Variants in TDRD7 observed in about 807,000 individuals in gnomAD.
The protein encoded by TDRD7 is tudor domain-containing protein 7.
In TDRD7, 47 loss-of-function variants were observed where a neutral mutation model predicts 109.8. The ratio of observed to expected loss-of-function variants is 0.43; its 90% CI spans 0.34 to 0.55. The LOEUF (loss-of-function observed/expected upper bound fraction) is 0.55. Among genes scored for constraint, TDRD7 ranks in the 20% least tolerant of loss-of-function variants. The probability of loss-of-function intolerance (pLI) is 0.03; values close to 1 mark genes in which losing one functional copy is unlikely to be tolerated. For missense variants in TDRD7, 1,164 were observed against 1,319.2 expected (o/e 0.88, Z 1.82); for synonymous variants, 424 against 457.3 (o/e 0.93, Z 0.93).
At chr9:97,472,241 T>G in intron 9 of TDRD7, 52 bp from the exon 10 acceptor site, 1 of 1,509,796 alleles carries the variant, frequency 6.6e-7, no homozygotes, top group Non-Finnish European at 9.2e-7. Flanking sequence ...TCTATTCATC[T>G]TGAAATGATT....
chr9:97,415,602 G>A (rs1046249086), intron 1 of TDRD7, among the ~76,000 whole-genome samples: 4 of 152,092 alleles, frequency 2.6e-5, no homozygotes, highest in African/African-American at 9.7e-5. Flanking sequence ...CATTATTAGT[G>A]TCTTGGATAA....
rs916355748 is a variant in TDRD7, at chr9:97,460,331, A to G, written c.1009A>G (p.Met337Val). The stretch of plus-strand genomic sequence containing the variant: ...ACCGTTGAAAGGGTGTCCAACAGTT[A>G]TGGCAGGAGACTTTAAAGAAAAAGT... ...TPPLKGCPTV[M>V]AGDFKEKVAD... Residue 337 changes from methionine to valine, a missense_variant, in exon 7 of 17, where the codon ATG becomes GTG. This residue lies in a region of TDRD7 where 407 missense variants were observed against 394.0 expected (regional missense o/e 1.03). Transcript: ENST00000355295. The G allele has an allele frequency of 6.2e-7, 1 of 1,614,086 alleles. No homozygotes were observed. Among genetic ancestry groups the G allele is most frequent in the Non-Finnish European group, 8.5e-7 (1 of 1,180,038 alleles).
rs142696459 is a variant in TDRD7 at position 97,424,711 on chromosome 9, A to G, written c.-6-3749A>G. 4.5e-3 allele frequency among the ~76,000 whole-genome samples: 680 copies of G among 152,248 alleles called. 7 individuals carry two copies. Among genetic ancestry groups the G allele is most frequent in the African/African-American group, 0.016 (657 of 41,540 alleles). On this transcript the variant is annotated intron_variant, in intron 1 of 16. Coordinates refer to ENST00000355295, the MANE Select transcript of TDRD7 (RefSeq NM_014290.3). ...GGTTTCTTGAAGGTGGTATATAAGTAAGTCTTGCTTTTTTATCCACTCTGC... is the reference window on the plus strand; with the variant it reads ...GGTTTCTTGAAGGTGGTATATAAGTGAGTCTTGCTTTTTTATCCACTCTGC...
chr9:97,460,153 C>A, intron 6 of TDRD7, 25 bp from the exon 7 acceptor site: 1 of 1,595,662 alleles, frequency 6.3e-7, no homozygotes, highest in South Asian at 1.1e-5. Flanking sequence ...AAATATCTGT[C>A]ATTTGCTTTA....
intron 14 of TDRD7, among the ~76,000 whole-genome samples, chr9:97,481,398 A>G (rs1564214167): frequency 6.6e-6 from 1 of 152,196 alleles, no homozygotes; most frequent in Non-Finnish European, 1.5e-5. Flanking sequence ...AGTTTATTTA[A>G]TCTGCCATAC....
At chr9:97,441,285 A>G (rs1200991163) in intron 5 of TDRD7, among the ~76,000 whole-genome samples, 3 of 152,198 alleles carry the variant, frequency 2.0e-5, no homozygotes, top group Admixed American at 2.0e-4. Flanking sequence ...TAAATTCAGT[A>G]TTGTCTGTAA....
intron 6 of TDRD7, among the ~76,000 whole-genome samples, chr9:97,452,933 A>C (rs189654567): frequency 3.3e-5 from 5 of 152,328 alleles, no homozygotes; most frequent in African/African-American, 1.2e-4. Context: ...GGTAATTGGC[A>C]CTAATCACAT....
chr9:97,475,359 G>A (rs755889409), intron 11 of TDRD7, 24 bp from the exon 12 acceptor site: 2 of 1,566,662 alleles, frequency 1.3e-6, no homozygotes, highest in Admixed American at 1.7e-5. Flanking sequence ...AGTAATAAGA[G>A]TATCATGCAT....
Position 97,412,676 on chromosome 9 carries a change from G to A in TDRD7, c.-7+438G>A, listed in dbSNP as rs1023684015. 1.3e-5 allele frequency among the ~76,000 whole-genome samples: 2 copies of A among 152,244 alleles called. No individual in the cohort carries two copies. The highest frequency in any genetic ancestry group is 4.8e-5 in the African/African-American group (2 of 41,468). ...GAGGGATGTCCGCGCTCCCCTATTT[G>A]AACCCAAGTATTTTACACCACGAAC... On this transcript the variant is annotated intron_variant, in intron 1 of 16. Transcript: ENST00000355295. This position sits in a 1 kb window ranked among gnomAD's most constrained non-coding sequence, Gnocchi z 4.3.
chr9:97,460,291 T>G lies in TDRD7; in HGVS notation c.969T>G (p.Gly323=). 1.9e-6 allele frequency: 3 copies of G among 1,614,206 alleles called. No individual in the cohort carries two copies. The highest frequency in any genetic ancestry group is 1.7e-6 in the Non-Finnish European group (2 of 1,180,034). Residue 323 remains glycine, a synonymous_variant, in exon 7 of 17, where the codon GGT becomes GGG. Transcript: ENST00000355295. The part of the protein sequence containing the change: ...TEKVPLSPLP[G]PKQTPPLKGC... ...AAGTACCTCTATCCCCACTACCTGG[T>G]CCCAAACAAACACCACCGTTGAAAG...
At chr9:97,488,692 C>T (rs1032230033) in intron 16 of TDRD7, among the ~76,000 whole-genome samples, 9 of 151,896 alleles carry the variant, frequency 5.9e-5, no homozygotes, top group African/African-American at 2.2e-4. Context: ...TACCATCATC[C>T]CCATCACCAG....
rs538646618 is a variant in TDRD7 at position 97,428,662 on chromosome 9, G to C, written c.197G>C (p.Arg66Thr). 8 of 1,613,638 alleles carry C rather than the reference G, an allele frequency of 5.0e-6. No homozygotes were observed. In the South Asian group the frequency reaches 8.8e-5, roughly 18 times the overall value. The part of the protein sequence containing the change: ...VPAVVRIETS[R>T]SGEITCYAMA... ...GCAGTGGTCAGGATAGAGACTAGTA[G>C]ATCTGGAGAGGTAAGAAGGTAATTG... The change falls in exon 2 of 17, where the codon AGA becomes ACA. Residue 66 changes from arginine to threonine, a missense_variant. By Grantham distance (71) the Arg-to-Thr change is moderately conservative. Transcript: ENST00000355295.
intron 6 of TDRD7, among the ~76,000 whole-genome samples, 182 bp from the exon 7 acceptor site, chr9:97,459,996 T>C (rs1021771032): frequency 2.0e-5 from 3 of 152,202 alleles, no homozygotes; most frequent in Non-Finnish European, 4.4e-5. Flanking sequence ...ATTTCTGAAA[T>C]GTGGCTCATG....
At position 97,415,634 on chromosome 9, in the gene TDRD7, C is replaced by T. The variant is rs899517346; in HGVS notation, c.-7+3396C>T. Among the ~76,000 whole-genome samples the T allele has an allele frequency of 4.0e-5, 6 of 151,800 alleles. No individual in the cohort carries two copies. In the South Asian group the frequency reaches 6.2e-4, roughly 16 times the overall value. ...ATAATTAAGATTAACTGGGTATAAG[C>T]GAAGAAAAAAAGGAAAGCACGAAAG... On this transcript the variant is annotated intron_variant, in intron 1 of 16. Coordinates refer to ENST00000355295, the MANE Select transcript of TDRD7 (RefSeq NM_014290.3).
At chr9:97,472,815 T>C (rs1400854729) in intron 10 of TDRD7, among the ~76,000 whole-genome samples, 1 of 152,066 alleles carries the variant, frequency 6.6e-6, no homozygotes, top group Non-Finnish European at 1.5e-5. Context: ...ATTATTAGCT[T>C]TAACTTTTTT....
intron 1 of TDRD7, among the ~76,000 whole-genome samples, chr9:97,428,253 C>G (rs548713237): frequency 6.6e-6 from 1 of 152,342 alleles, no homozygotes; most frequent in Admixed American, 6.5e-5. Context: ...ATTCCCTCTT[C>G]AGGCTGGTCT....
chr9:97,486,772 C>A (rs1046134591), intron 15 of TDRD7, among the ~76,000 whole-genome samples: 2 of 152,144 alleles, frequency 1.3e-5, no homozygotes, highest in African/African-American at 4.8e-5. Flanking sequence ...TTCCATCGTC[C>A]AAGCATGTAC....
At chr9:97,466,218 G>T (rs1048645869) in intron 8 of TDRD7, among the ~76,000 whole-genome samples, 1 of 152,096 alleles carries the variant, frequency 6.6e-6, no homozygotes, top group Non-Finnish European at 1.5e-5. Context: ...GCTACAAGTG[G>T]GAGTTAGGAG....
rs115607982 is a variant in TDRD7, at chr9:97,478,328, A to C, written c.2167-111A>C. ...AAATTAGGGGAAAATTTTAACACTG[A>C]TAGTCTGTTCCTTTTAATATGCATT... is the stretch of plus-strand genomic sequence containing the variant. On this transcript the variant is annotated intron_variant, in intron 12 of 16. Coordinates refer to ENST00000355295, the MANE Select transcript of TDRD7 (RefSeq NM_014290.3). 933 of 1,159,304 alleles carry C rather than the reference A, an allele frequency of 8.0e-4. 6 individuals are homozygous for C. The African/African-American group carries it at 0.013, about 16-fold the overall frequency. The allele number at this position is 1,159,304 out of a possible 1,614,324, so 71.8% of individuals were successfully genotyped here.
Sources: allele counts gnomAD v4.1 joint callset (sites outside exome capture counted in the v4.1 genomes callset), GRCh38; gene constraint gnomAD v4.1.1; regional missense constraint gnomAD v4.1.1; non-coding constraint Gnocchi (gnomAD v3.1); transcripts MANE v1.5; gene names NCBI Gene and HGNC (gene_info 2026-07-23, HGNC 2026-07-21).